The following PRMT3 variants were observed in gnomAD, a reference collection of about 807,000 sequenced individuals.
The protein encoded by PRMT3 is protein arginine methyltransferase 3.
In PRMT3, 62 loss-of-function variants were observed where a neutral mutation model predicts 71.9. That is an observed-to-expected ratio of 0.86 (90% CI 0.70 to 1.07). The LOEUF is 1.07. PRMT3 is among the 50% of genes least tolerant of loss of function. The pLI is 0.00. For synonymous variants in PRMT3, 213 were observed against 220.4 expected (o/e 0.97, Z 0.30); for missense variants, 663 against 643.0 (o/e 1.03, Z -0.34).
intron 13 of PRMT3, among the ~76,000 whole-genome samples, chr11:20,482,544 G>C (rs554734654): frequency 2.2e-4 from 33 of 152,160 alleles, no homozygotes; most frequent in African/African-American, 7.5e-4. Context: ...GTTCTCCCTA[G>C]ACTTATCACA....
intron 15 of PRMT3, among the ~76,000 whole-genome samples, chr11:20,503,963 AGTT>A (rs1851518909): frequency 6.6e-6 from 1 of 152,174 alleles, no homozygotes; most frequent in Non-Finnish European, 1.5e-5. Context: ...TTGTGAATTC[AGTT>A]GTTCCACATC....
chr11:20,462,277 TC>T, intron 12 of PRMT3, 110 bp downstream of exon 12: 1 of 881,756 alleles, frequency 1.1e-6, no homozygotes, highest in Non-Finnish European at 1.7e-6. Context: ...ACAGTACTTT[TC>T]CCATTGTAAT....
chr11:20,488,326 T>A (rs1486273834), intron 13 of PRMT3, among the ~76,000 whole-genome samples: 1 of 152,206 alleles, frequency 6.6e-6, no homozygotes, highest in Non-Finnish European at 1.5e-5. Context: ...CCTTGGTTTA[T>A]ATATGATGAT....
intron 10 of PRMT3, among the ~76,000 whole-genome samples, chr11:20,436,002 G>A (rs530093985): frequency 7.9e-5 from 12 of 152,228 alleles, no homozygotes; most frequent in African/African-American, 2.6e-4. Flanking sequence ...TCTTTCATCA[G>A]TATTTTGTAG....
intron 6 of PRMT3, among the ~76,000 whole-genome samples, chr11:20,396,284 G>A (rs1255763995): frequency 2.6e-5 from 4 of 152,108 alleles, no homozygotes; most frequent in African/African-American, 9.7e-5. Context: ...TTTTTAAAGT[G>A]GAAGGATTAA....
At position 20,442,416 on chromosome 11, in the gene PRMT3, A is replaced by G. The variant is rs183896530; in HGVS notation, c.994-9714A>G. Among the ~76,000 whole-genome samples the G allele has an allele frequency of 6.6e-5, 10 of 152,202 alleles. No homozygotes were observed. In the East Asian group the frequency reaches 1.2e-3, roughly 18 times the overall value. ...TTTATGTACATTTTAAGATAACAGG[A>G]CATTCTGTTTCTTCTTCTGTTATCT... On this transcript the variant is annotated intron_variant, in intron 10 of 15. Transcript: ENST00000331079.
At chr11:20,473,574 C>G (rs1471728069) in intron 13 of PRMT3, among the ~76,000 whole-genome samples, 1 of 152,074 alleles carries the variant, frequency 6.6e-6, no homozygotes, top group Non-Finnish European at 1.5e-5. Flanking sequence ...GTTTGAGAGA[C>G]TGTTATGATT....
intron 13 of PRMT3, among the ~76,000 whole-genome samples, chr11:20,480,841 G>A (rs1488443554): frequency 1.3e-5 from 2 of 150,630 alleles, no homozygotes; most frequent in African/African-American, 5.0e-5. Flanking sequence ...AAAAATTATG[G>A]TCCTGTCAAA....
intron 13 of PRMT3, among the ~76,000 whole-genome samples, chr11:20,490,601 T>C (rs1851183764): frequency 6.6e-6 from 1 of 151,852 alleles, no homozygotes; most frequent in Admixed American, 6.6e-5. Flanking sequence ...TTTGTGAAAA[T>C]TTGGGTTTAA....
chr11:20,463,831 A>G (rs1850443624), intron 12 of PRMT3, among the ~76,000 whole-genome samples: 1 of 152,150 alleles, frequency 6.6e-6, no homozygotes, highest in Non-Finnish European at 1.5e-5. Context: ...CCAAAGTATA[A>G]TGGAGAAGGA....
At chr11:20,506,385 C>T (rs1851590892) in intron 15 of PRMT3, among the ~76,000 whole-genome samples, 1 of 151,704 alleles carries the variant, frequency 6.6e-6, no homozygotes, top group African/African-American at 2.4e-5. Flanking sequence ...TACACATTAA[C>T]ATATATACGT....
intron 15 of PRMT3, among the ~76,000 whole-genome samples, chr11:20,499,623 T>C (rs1851411957): frequency 6.6e-6 from 1 of 152,016 alleles, no homozygotes; most frequent in South Asian, 2.1e-4. Flanking sequence ...AAGGTCCTAT[T>C]TCTAAAAAAA....
intron 9 of PRMT3, among the ~76,000 whole-genome samples, chr11:20,409,484 C>G (rs1565199620): frequency 6.6e-6 from 1 of 152,124 alleles, no homozygotes; most frequent in Non-Finnish European, 1.5e-5. Context: ...GTAAGATATA[C>G]ATATAAATCA....
At chr11:20,426,068 T>C (rs1849538561) in intron 9 of PRMT3, among the ~76,000 whole-genome samples, 1 of 152,226 alleles carries the variant, frequency 6.6e-6, no homozygotes, top group African/African-American at 2.4e-5. Flanking sequence ...AGGGGAAATA[T>C]TGCTAATCTT....
chr11:20,392,777 A>T (rs1276909787), intron 4 of PRMT3, 120 bp from the exon 5 acceptor site: 15 of 635,362 alleles, frequency 2.4e-5, no homozygotes, highest in Non-Finnish European at 3.5e-5. Context: ...CTTTTTGGAG[A>T]CATACTGACT....
chr11:20,496,285 G>T (rs1389486454), intron 15 of PRMT3, among the ~76,000 whole-genome samples: 1 of 152,068 alleles, frequency 6.6e-6, no homozygotes, highest in Non-Finnish European at 1.5e-5. Flanking sequence ...GGGCATGGTG[G>T]CGCACACCTA....
intron 6 of PRMT3, among the ~76,000 whole-genome samples, chr11:20,397,274 A>G (rs1041707159): frequency 2.0e-5 from 3 of 152,270 alleles, no homozygotes; most frequent in Non-Finnish European, 2.9e-5. Context: ...ATTTTAAAAC[A>G]ATAGAAATAA....
In PRMT3 at chr11:20,387,736, G is replaced by C. The variant is rs1288998995; in HGVS notation, c.-11G>C. ...CCCCCAGACACGCCGGGCTCTCGGG[G>C]CACCACAGCCATGTGCTCGTTAGCG... is the stretch of plus-strand genomic sequence containing the variant. On this transcript the variant is annotated 5_prime_UTR_variant, in exon 1 of 16. Coordinates refer to ENST00000331079, the MANE Select transcript of PRMT3 (RefSeq NM_005788.4). The surrounding 1 kb of genome is among the most constrained non-coding windows in gnomAD (Gnocchi z 4.3). 1.3e-6 allele frequency: 2 copies of C among 1,534,634 alleles called. No individual in the cohort carries two copies. The highest frequency in any genetic ancestry group is 2.8e-5 in the African/African-American group (2 of 72,046).
intron 10 of PRMT3, among the ~76,000 whole-genome samples, chr11:20,451,556 C>G (rs1480769438): frequency 6.6e-6 from 1 of 151,482 alleles, no homozygotes; most frequent in Non-Finnish European, 1.5e-5. Context: ...AAGTGGTTTT[C>G]TAGACTAGAG....
Sources: gnomAD v4.1 joint callset for allele counts (sites outside exome capture counted in the v4.1 genomes callset) on GRCh38, gnomAD v4.1.1 for gene constraint, Gnocchi (gnomAD v3.1) non-coding constraint, MANE v1.5 for transcripts, NCBI Gene and HGNC (gene_info 2026-07-23, HGNC 2026-07-21) for gene names.